The following DOCK8 variants were observed in gnomAD, a reference collection of about 807,000 sequenced individuals.
DOCK8 encodes dedicator of cytokinesis protein 8.
DOCK8 carries 141 observed loss-of-function variants against 245.6 expected under a neutral mutation model. The ratio of observed to expected loss-of-function variants is 0.57; its 90% confidence interval spans 0.50 to 0.66. The LOEUF is 0.66. DOCK8 is among the 30% of genes least tolerant of loss of function. The pLI is 0.00. For missense variants in DOCK8, 2,965 were observed against 2,603.4 expected, an observed-to-expected ratio of 1.14 and a Z score of -3.02; for synonymous variants, 1,168 against 970.2, an observed-to-expected ratio of 1.20 and a Z score of -3.79.
intron 35 of DOCK8, 124 bp downstream of exon 35, chr9:428,620 C>G: frequency 1.6e-6 from 2 of 1,236,596 alleles, no homozygotes; most frequent in Non-Finnish European, 1.2e-6. Context: ...CAGTAAAGGT[C>G]TTAAGTCTTC....
chr9:376,107 T>G, intron 18 of DOCK8, 103 bp from the exon 19 acceptor site: 1 of 861,892 alleles, frequency 1.2e-6, no homozygotes, highest in Non-Finnish European at 2.0e-6. Context: ...GAGTTCTGTA[T>G]TTGTATAACC....
At chr9:407,268 C>T (rs1191257234) in intron 28 of DOCK8, among the ~76,000 whole-genome samples, 199 bp downstream of exon 28, 1 of 151,974 alleles carries the variant, frequency 6.6e-6, no homozygotes, top group Non-Finnish European at 1.5e-5. Flanking sequence ...TAGAAAGGCA[C>T]CAGGGATGGG....
chr9:408,879 C>CGCGT (rs1283944835), intron 28 of DOCK8, among the ~76,000 whole-genome samples: 12 of 127,904 alleles, frequency 9.4e-5, no homozygotes, highest in African/African-American at 3.6e-4. Flanking sequence ...CACACACACA[C>CGCGT]ACACACACGC....
intron 1 of DOCK8, among the ~76,000 whole-genome samples, chr9:238,070 A>G (rs945628889): frequency 6.6e-6 from 1 of 151,926 alleles, no homozygotes. Context: ...GCATTTGTTG[A>G]CTCCTCTTGT....
At chr9:404,143 C>T (rs765909574) in intron 26 of DOCK8, among the ~76,000 whole-genome samples, 13 of 151,572 alleles carry the variant, frequency 8.6e-5, no homozygotes, top group African/African-American at 3.2e-4. Context: ...GGTGCATCAG[C>T]GCCCCTTCCT....
chr9:215,545 T>A, intron 1 of DOCK8: 1 of 1,105,578 alleles, frequency 9.0e-7, no homozygotes, highest in Non-Finnish European at 1.2e-6. Flanking sequence ...AGAAAGAGCT[T>A]GGCTCCTGGT....
chr9:241,037 T>G (rs962897209), intron 1 of DOCK8, among the ~76,000 whole-genome samples: 4 of 152,236 alleles, frequency 2.6e-5, no homozygotes, highest in Non-Finnish European at 5.9e-5. Context: ...ATGATTTGTA[T>G]AAATCATTAA....
At position 379,723 on chromosome 9, in the gene DOCK8, C is replaced by T. The variant is rs748989134; in HGVS notation, c.2441-48C>T. The T allele has an allele frequency of 1.4e-5, 23 of 1,608,248 alleles. No homozygotes were observed. The South Asian group carries it at 2.5e-4, about 18-fold the overall frequency. On this transcript the variant is annotated intron_variant, in intron 20 of 47. Coordinates refer to ENST00000432829, the MANE Select transcript of DOCK8 (RefSeq NM_203447.4). ...CCTGGAGAAACTTCCACCTCAGGCT[C>T]CTTAAGGACCAGCTGTGGGACTACC...
rs895561656 is a variant in DOCK8, at chr9:428,234, T to A, written c.4339-128T>A. 4.2e-6 allele frequency: 6 copies of A among 1,431,142 alleles called. No homozygotes were observed. The African/African-American group carries it at 8.5e-5, about 20-fold the overall frequency. The allele number at this position is 1,431,142 out of a possible 1,614,324, so 88.7% of individuals were successfully genotyped here. ...CATGGTTAATGGATGATACCCATGG[T>A]GGCTCACCAAACTCTTAAGACTCAC... On this transcript the variant is annotated intron_variant, in intron 34 of 47. Transcript: ENST00000432829.
chr9:426,972 C>G lies in DOCK8; in HGVS notation c.4329C>G (p.Asn1443Lys). Residue 1443 changes from asparagine (N) to lysine (K), a missense_variant, in exon 34 of 48, where the codon AAC becomes AAG. Transcript: ENST00000432829. ...TAATCATCCTGGATATGCAGGAAAA[C>G]ATTATCCAGGTGAGGAAAACAAACA... ...AHLIILDMQE[N>K]IIQASSALDC... is the part of the protein sequence containing the mutation. 3 of 1,613,482 alleles carry G rather than the reference C, an allele frequency of 1.9e-6. No individual in the cohort carries two copies. The highest frequency in any genetic ancestry group is 2.5e-6 in the Non-Finnish European group (3 of 1,179,582).
intron 32 of DOCK8, 79 bp from the exon 33 acceptor site, chr9:421,969 T>G: frequency 3.8e-5 from 48 of 1,251,716 alleles, no homozygotes; most frequent in Non-Finnish European, 3.9e-5. Flanking sequence ...GCTTCTCAGT[T>G]GAGCTTGTTA....
At chr9:397,955 T>A (rs751480113) in intron 25 of DOCK8, among the ~76,000 whole-genome samples, 8 of 152,222 alleles carry the variant, frequency 5.3e-5, no homozygotes, top group Non-Finnish European at 1.2e-4. Flanking sequence ...CTAAAACATA[T>A]ATAAAATGGA....
intron 1 of DOCK8, among the ~76,000 whole-genome samples, chr9:225,267 G>A (rs2131352286): frequency 6.6e-6 from 1 of 152,252 alleles, no homozygotes; most frequent in African/African-American, 2.4e-5. Context: ...CTCAGAGAGA[G>A]AGAAGCCTGT....
intron 1 of DOCK8, among the ~76,000 whole-genome samples, chr9:242,841 G>A (rs2047407378): frequency 6.7e-6 from 1 of 149,520 alleles, no homozygotes; most frequent in South Asian, 2.1e-4. Context: ...GCCATAATAT[G>A]TTTAGTTTCA....
At chr9:307,062 C>T (rs928218691) in intron 5 of DOCK8, among the ~76,000 whole-genome samples, 7 of 152,108 alleles carry the variant, frequency 4.6e-5, no homozygotes, top group South Asian at 2.1e-4. Flanking sequence ...GCTGTCACTA[C>T]GAAGGTGAGA....
chr9:388,955 T>C (rs16937480), intron 23 of DOCK8, among the ~76,000 whole-genome samples: 5,351 of 152,252 alleles, frequency 0.035, 294 homozygotes, highest in African/African-American at 0.12. Context: ...AAGGATATGA[T>C]ATTAGGGTGT....
At chr9:262,485 C>T (rs2047940622) in intron 1 of DOCK8, among the ~76,000 whole-genome samples, 1 of 82,750 alleles carries the variant, frequency 1.2e-5, no homozygotes, top group Non-Finnish European at 2.8e-5. Context: ...AAGGAATACT[C>T]CTCTATAATA....
At chr9:263,595 T>C (rs951596481) in intron 1 of DOCK8, among the ~76,000 whole-genome samples, 5 of 152,232 alleles carry the variant, frequency 3.3e-5, no homozygotes, top group Admixed American at 6.5e-5. Context: ...TTGCTTTTCT[T>C]CTGCCTCAAA....
intron 33 of DOCK8, among the ~76,000 whole-genome samples, chr9:425,173 C>T (rs537054342): frequency 1.2e-3 from 177 of 151,894 alleles, no homozygotes; most frequent in African/African-American, 3.9e-3. Flanking sequence ...ATATGTGGCC[C>T]CCATTGTTTC....
Sources: allele counts gnomAD v4.1 joint callset (sites outside exome capture counted in the v4.1 genomes callset), GRCh38; gene constraint gnomAD v4.1.1; transcripts MANE v1.5; gene names NCBI Gene and HGNC (gene_info 2026-07-23, HGNC 2026-07-21).